CXCL12: variants seen among roughly 807,000 people sequenced by gnomAD.
The protein encoded by CXCL12 is stromal cell-derived factor 1.
CXCL12 carries 4 observed loss-of-function variants against 10.7 expected under a neutral mutation model. The observed-to-expected ratio is 0.37, with a 90% CI of 0.18 to 0.86. The LOEUF (loss-of-function observed/expected upper bound fraction) is 0.86, where lower values mean the gene tolerates loss of function less well. Ranked by LOEUF, CXCL12 falls within the 40% of genes least tolerant of loss-of-function variation. CXCL12 has a pLI of 0.43. For missense variants in CXCL12, 122 were observed against 110.4 expected (o/e 1.10, Z -0.47); for synonymous variants, 54 against 45.4 (o/e 1.19, Z -0.77).
chr10:44,372,969 G>T (rs574730375), downstream of CXCL12: 1 of 1,535,960 alleles, frequency 6.5e-7, no homozygotes, highest in Non-Finnish European at 8.7e-7. Context: ...TGACCATGGG[G>T]CCAGGCTCCC....
chr10:44,372,207 C>G (rs1839331390), downstream of CXCL12: 1 of 152,380 alleles, frequency 6.6e-6, no homozygotes, highest in African/African-American at 2.4e-5. Flanking sequence ...TCAAGCAGTG[C>G]TGGGCTTGGC....
chr10:44,378,672 C>T lies in CXCL12; in HGVS notation c.231G>A (p.Lys77=). The T allele has an allele frequency of 6.2e-7, 1 of 1,614,240 alleles. No homozygotes were observed. Among genetic ancestry groups the T allele is most frequent in the Admixed American group, 1.7e-5 (1 of 60,034 alleles). ...NRQVCIDPKL[K]WIQEYLEKAL... ...CTTTCTCCAGGTACTCCTGAATCCACTTTAGCTTCGGGTCAATGCACACTT... is the reference window on the plus strand; with the variant it reads ...CTTTCTCCAGGTACTCCTGAATCCATTTTAGCTTCGGGTCAATGCACACTT... Residue 77 remains lysine (K), a synonymous_variant, in exon 3 of 3, where the codon AAG becomes AAA. Coordinates refer to ENST00000343575, the MANE Select transcript of CXCL12 (RefSeq NM_199168.4).
chr10:44,371,416 C>G, downstream of CXCL12: 1 of 443,470 alleles, frequency 2.3e-6, no homozygotes, highest in Non-Finnish European at 4.5e-6. Context: ...AATGACTGCC[C>G]CACTGAAAAC....
At chr10:44,380,727 T>A in intron 2 of CXCL12, 36 bp downstream of exon 2, 1 of 1,532,252 alleles carries the variant, frequency 6.5e-7, no homozygotes, top group South Asian at 1.1e-5. Context: ...TAGATGCAAC[T>A]ATGTTCGTTA....
rs759471819 is a variant in CXCL12, at chr10:44,377,747, C to T, written c.*886G>A. The T allele has an allele frequency of 3.1e-6, 5 of 1,598,244 alleles. No homozygotes were observed. The African/African-American group carries it at 4.0e-5, about 13-fold the overall frequency. On this transcript the variant is annotated 3_prime_UTR_variant, in exon 3 of 3. Coordinates refer to ENST00000343575, the MANE Select transcript of CXCL12 (RefSeq NM_199168.4). Reference sequence around the variant, plus strand: ...GTCTTTTGCGGGTAAGCAGGGGGACCATTACACATCCCCAGGAGAGGGCCA... The same window carrying T: ...GTCTTTTGCGGGTAAGCAGGGGGACTATTACACATCCCCAGGAGAGGGCCA...
chr10:44,374,724 G>T (rs1000251129), downstream of CXCL12: 3 of 454,464 alleles, frequency 6.6e-6, no homozygotes, highest in South Asian at 1.6e-5. Flanking sequence ...GTTTTCTCCT[G>T]AATTCCATGT....
chr10:44,373,435 G>GGGGCCAATCCCTA, downstream of CXCL12: 1 of 1,142,864 alleles, frequency 8.7e-7, no homozygotes, highest in Non-Finnish European at 1.3e-6. Context: ...CGGAGGCCCT[G>GGGGCCAATCCCTA]GGGCCAATCC....
In CXCL12 at chr10:44,384,387, G is replaced by A. The variant is rs572569473; in HGVS notation, c.61+558C>T. On this transcript the variant is annotated intron_variant, in intron 1 of 2. Transcript: ENST00000343575. ...GCAGCCCGCCCGCGCCTGGCCAAGA[G>A]CCCCGCGAGGGTGTGGGGAGAGGAT... is the stretch of plus-strand genomic sequence containing the variant. Among the ~76,000 whole-genome samples, 31 of 152,276 alleles carry A rather than the reference G, an allele frequency of 2.0e-4. No homozygotes were observed. The East Asian group carries it at 4.1e-3, about 20-fold the overall frequency.
intron 2 of CXCL12, chr10:44,380,291 A>G (rs1334372312): frequency 6.2e-6 from 1 of 160,650 alleles, no homozygotes; most frequent in African/African-American, 2.4e-5. Flanking sequence ...TTGAGAAAAT[A>G]CAGGCAAGTG....
downstream of CXCL12, chr10:44,370,872 C>T (rs999750235): frequency 6.5e-6 from 1 of 152,980 alleles, no homozygotes; most frequent in African/African-American, 2.4e-5. Flanking sequence ...AAACACGTGG[C>T]ACAGACTCAA....
downstream of CXCL12, among the ~76,000 whole-genome samples, chr10:44,374,939 T>G (rs962400068): frequency 2.0e-5 from 3 of 152,152 alleles, no homozygotes; most frequent in African/African-American, 7.2e-5. Flanking sequence ...ATCTCACACA[T>G]ACATCTACAT....
chr10:44,371,061 G>T (rs941096842), downstream of CXCL12: 2 of 218,594 alleles, frequency 9.1e-6, no homozygotes, highest in African/African-American at 4.7e-5. Context: ...GGACGCACTT[G>T]ACTAGCAGTT....
At chr10:44,372,827 A>C, downstream of CXCL12, 1 of 1,496,900 alleles carries the variant, frequency 6.7e-7, no homozygotes, top group Non-Finnish European at 8.9e-7. Flanking sequence ...ATGTGGATGG[A>C]GAAGGGGGTG....
downstream of CXCL12, chr10:44,372,503 T>G (rs759233008): frequency 4.0e-6 from 2 of 497,944 alleles, no homozygotes; most frequent in East Asian, 9.6e-5. Context: ...AACAAAAACA[T>G]AGGATTGGAC....
chr10:44,380,959 T>C, intron 1 of CXCL12, 79 bp from the exon 2 acceptor site: 1 of 1,141,486 alleles, frequency 8.8e-7, no homozygotes, highest in Non-Finnish European at 1.3e-6. Flanking sequence ...CAGCAGTTGG[T>C]GCAGCGATTA....
Position 44,378,051 on chromosome 10 carries a change from A to G in CXCL12, c.*582T>C. ...CCACAGAGCCAATCACTGAGGTTGA[A>G]AGAGGAGGTGAAGGCAGTGGCGGCG... On this transcript the variant is annotated 3_prime_UTR_variant, in exon 3 of 3. Transcript: ENST00000343575. The G allele has an allele frequency of 6.8e-7, 1 of 1,478,340 alleles. No homozygotes were observed. Among genetic ancestry groups the G allele is most frequent in the South Asian group, 1.3e-5 (1 of 74,472 alleles). The allele number at this position is 1,478,340 out of a possible 1,614,324, so 91.6% of individuals were successfully genotyped here.
Position 44,377,638 on chromosome 10 carries a change from C to A in CXCL12, c.*995G>T, listed in dbSNP as rs1839494934. ...AGTTTGTTAGTGCCTCCATGGCATA[C>A]ATAGGCTTCAGAGGCAATCACAAAA... On this transcript the variant is annotated 3_prime_UTR_variant, in exon 3 of 3. Coordinates refer to ENST00000343575, the MANE Select transcript of CXCL12 (RefSeq NM_199168.4). The A allele has an allele frequency of 6.5e-7, 1 of 1,541,756 alleles. No homozygotes were observed. Among genetic ancestry groups the A allele is most frequent in the South Asian group, 1.2e-5 (1 of 83,574 alleles).
intron 2 of CXCL12, 144 bp from the exon 3 acceptor site, chr10:44,378,867 C>T (rs998075076): frequency 2.3e-5 from 18 of 770,898 alleles, no homozygotes; most frequent in Non-Finnish European, 2.8e-5. Flanking sequence ...CAGAGGTGCT[C>T]GCGGTGTGCT....
Position 44,377,228 on chromosome 10 carries a change from G to A in CXCL12, c.*1405C>T. ...GAAAAAATACACTGTGGCTAACATT[G>A]AAAAGCTGCAATCACATTTATATAT... On this transcript the variant is annotated 3_prime_UTR_variant, in exon 3 of 3. Coordinates refer to ENST00000343575, the MANE Select transcript of CXCL12 (RefSeq NM_199168.4). The A allele has an allele frequency of 1.0e-6, 1 of 987,628 alleles. No homozygotes were observed. Among genetic ancestry groups the A allele is most frequent in the South Asian group, 4.7e-5 (1 of 21,464 alleles). The allele number at this position is 987,628 out of a possible 1,614,324, so 61.2% of individuals were successfully genotyped here.
Sources: gnomAD v4.1 joint callset for allele counts (sites outside exome capture counted in the v4.1 genomes callset) on GRCh38, gnomAD v4.1.1 for gene constraint, MANE v1.5 for transcripts, NCBI Gene and HGNC (gene_info 2026-07-23, HGNC 2026-07-21) for gene names.